Variants in LCORL observed in about 807,000 individuals in gnomAD.
The protein encoded by LCORL is ligand-dependent nuclear receptor corepressor-like protein.
In LCORL, 41 loss-of-function variants were observed where a neutral mutation model predicts 141.8. The ratio of observed to expected loss-of-function variants is 0.29; its 90% CI spans 0.23 to 0.38. The LOEUF (loss-of-function observed/expected upper bound fraction) is 0.38, where lower values mean the gene tolerates loss of function less well. Among genes scored for constraint, LCORL ranks in the 10% least tolerant of loss-of-function variants. The pLI, the probability that LCORL is intolerant of heterozygous loss-of-function variation, is 1.00. For synonymous variants in LCORL, 618 were observed against 694.1 expected (o/e 0.89, Z 1.72); for missense variants, 1,759 against 2,035.0 (o/e 0.86, Z 2.61).
chr4:17,953,074 T>C (rs1054821453), intron 4 of LCORL, among the ~76,000 whole-genome samples: 3 of 152,086 alleles, frequency 2.0e-5, no homozygotes, highest in Non-Finnish European at 4.4e-5. Flanking sequence ...AAGGACATGA[T>C]CTCATTCTTT....
intron 1 of LCORL, among the ~76,000 whole-genome samples, chr4:17,973,580 C>CA (rs565248032): frequency 1.5e-4 from 22 of 147,882 alleles, no homozygotes; most frequent in Non-Finnish European, 2.6e-4. Context: ...TACAGACATC[C>CA]AAAAAAAAAT....
intron 4 of LCORL, among the ~76,000 whole-genome samples, chr4:17,932,162 T>C (rs1193345788): frequency 2.0e-5 from 3 of 152,230 alleles, no homozygotes. Context: ...CATTTTATTT[T>C]AGGCATGTCT....
chr4:17,999,135 T>C (rs1176850264), intron 1 of LCORL, among the ~76,000 whole-genome samples: 2 of 151,084 alleles, frequency 1.3e-5, no homozygotes, highest in Non-Finnish European at 2.9e-5. Flanking sequence ...TTGTTTGTAC[T>C]AGCATTACTA....
chr4:17,841,988 G>T (rs1424840588), exon 8 of LCORL: 1 of 223,432 alleles, frequency 4.5e-6, no homozygotes, highest in Non-Finnish European at 9.0e-6. Context: ...CAATAATAGA[G>T]GTACTTCATT....
At chr4:17,937,022 A>T (rs181587713) in intron 4 of LCORL, among the ~76,000 whole-genome samples, 1 of 152,174 alleles carries the variant, frequency 6.6e-6, no homozygotes, top group East Asian at 1.9e-4. Context: ...TAATCTATGT[A>T]ATTTACATAT....
intron 1 of LCORL, among the ~76,000 whole-genome samples, chr4:17,979,037 TC>T (rs1717510094): frequency 6.6e-6 from 1 of 152,156 alleles, no homozygotes; most frequent in Non-Finnish European, 1.5e-5. Flanking sequence ...CCTAATGCTA[TC>T]CCTCCCCCAT....
exon 7 of LCORL, chr4:17,875,279 A>G: frequency 1.6e-6 from 2 of 1,231,380 alleles, no homozygotes; most frequent in Non-Finnish European, 2.0e-6. Context: ...AAGGCTTCTG[A>G]TTTGGTCGAA....
rs1577507497 is a variant in LCORL at position 17,947,192 on chromosome 4, G to A, written c.430+14711C>T. 2.0e-5 allele frequency among the ~76,000 whole-genome samples: 3 copies of A among 151,944 alleles called. 1 individual carries two copies. The highest frequency in any genetic ancestry group is 3.9e-4 in the East Asian group (2 of 5,168). ...TATGCGTACACACACACATACAATG[G>A]GATACTATTCAGCCTTAAAGAAGGA... On this transcript the variant is annotated intron_variant, in intron 4 of 7. Coordinates refer to ENST00000635767, the Ensembl canonical transcript of LCORL.
intron 7 of LCORL, among the ~76,000 whole-genome samples, chr4:17,872,005 T>C (rs1726393501): frequency 2.0e-5 from 3 of 152,078 alleles, no homozygotes; most frequent in South Asian, 4.1e-4. Flanking sequence ...AAGAATTTAC[T>C]GCTTTTACTA....
At chr4:17,882,645 T>C in intron 6 of LCORL, 1 of 984,704 alleles carries the variant, frequency 1.0e-6, no homozygotes, top group South Asian at 4.7e-5. Flanking sequence ...AATGATAATG[T>C]ATCGCCCACC....
chr4:17,959,536 C>A (rs1366379193), intron 4 of LCORL, among the ~76,000 whole-genome samples: 8 of 152,004 alleles, frequency 5.3e-5, no homozygotes, highest in Non-Finnish European at 7.4e-5. Flanking sequence ...AGTGCTCAAT[C>A]ACAACTGATG....
chr4:17,982,937 T>C (rs1417396562), intron 1 of LCORL, among the ~76,000 whole-genome samples: 1 of 152,222 alleles, frequency 6.6e-6, no homozygotes, highest in African/African-American at 2.4e-5. Flanking sequence ...GAGTTAATTT[T>C]TGTATAAGGT....
intron 6 of LCORL, among the ~76,000 whole-genome samples, chr4:17,879,291 T>C (rs1727260021): frequency 6.6e-6 from 1 of 151,084 alleles, no homozygotes; most frequent in Non-Finnish European, 1.5e-5. Flanking sequence ...TCAGAGGTAA[T>C]ATTTCACTTA....
At chr4:18,015,690 T>C (rs1724525700) in intron 1 of LCORL, among the ~76,000 whole-genome samples, 1 of 151,920 alleles carries the variant, frequency 6.6e-6, no homozygotes, top group Admixed American at 6.6e-5. Context: ...TAAGTAAATC[T>C]ACTCTTATGG....
chr4:17,891,991 A>G lies in LCORL; in HGVS notation c.683-5830T>C, dbSNP rs117327407. 5.3e-4 allele frequency among the ~76,000 whole-genome samples: 81 copies of G among 152,296 alleles called. 1 individual carries two copies. In the East Asian group the frequency reaches 0.015, roughly 28 times the overall value. On this transcript the variant is annotated intron_variant, in intron 5 of 7. Coordinates refer to ENST00000635767, the Ensembl canonical transcript of LCORL. ...GTAAACTTAATTAGCAAAAAAATCAACAAAGTGTAAAAGCATTCCCTGGGT... is the reference window on the plus strand; with the variant it reads ...GTAAACTTAATTAGCAAAAAAATCAGCAAAGTGTAAAAGCATTCCCTGGGT...
chr4:17,878,461 C>T (rs574537253), intron 6 of LCORL, among the ~76,000 whole-genome samples: 4 of 151,424 alleles, frequency 2.6e-5, no homozygotes, highest in African/African-American at 9.6e-5. Flanking sequence ...GATGATTATA[C>T]ATATGATTAC....
intron 2 of LCORL, among the ~76,000 whole-genome samples, chr4:17,963,686 A>C (rs1457529446): frequency 6.6e-6 from 1 of 151,952 alleles, no homozygotes; most frequent in Non-Finnish European, 1.5e-5. Context: ...AACTGTCGTA[A>C]TATATTAGAG....
intron 4 of LCORL, among the ~76,000 whole-genome samples, chr4:17,915,154 ATC>A (rs1030695844): frequency 1.3e-5 from 2 of 149,998 alleles, no homozygotes; most frequent in Admixed American, 6.7e-5. Context: ...CTATCCCTTC[ATC>A]TCTCTCTCTC....
chr4:17,902,765 G>A (rs941686365), intron 5 of LCORL, among the ~76,000 whole-genome samples: 4 of 152,054 alleles, frequency 2.6e-5, no homozygotes, highest in South Asian at 2.1e-4. Flanking sequence ...ATAGTCACTT[G>A]AAGCCTACTT....
Sources: allele counts gnomAD v4.1 joint callset (sites outside exome capture counted in the v4.1 genomes callset), GRCh38; gene constraint gnomAD v4.1.1; transcripts MANE v1.5; gene names NCBI Gene and HGNC (gene_info 2026-07-23, HGNC 2026-07-21).